LIG3: variants seen among roughly 807,000 people sequenced by gnomAD.
LIG3 encodes ligase II, DNA, ATP-dependent.
In LIG3, 58 loss-of-function variants were observed where a neutral mutation model predicts 110.9. The ratio of observed to expected loss-of-function variants is 0.52; its 90% CI spans 0.42 to 0.65. LIG3 has a LOEUF of 0.65. Among genes scored for constraint, LIG3 ranks in the 30% least tolerant of loss-of-function variants. LIG3 has a pLI of 0.00. For missense variants in LIG3, 1,094 were observed against 1,273.8 expected (o/e 0.86, Z 2.15); for synonymous variants, 422 against 472.8 (o/e 0.89, Z 1.39).
In LIG3 at chr17:34,998,663, G is replaced by C. The variant is rs759767991; in HGVS notation, c.2049G>C (p.Glu683Asp). ...WLKVKKDYLNEGAMADTADLV... is the reference protein window; with the variant it reads ...WLKVKKDYLNDGAMADTADLV... ...AAGTGAAGAAAGACTATTTGAACGAGGGGGCCATGGCCGACACAGCTGACC... is the reference window on the plus strand; with the variant it reads ...AAGTGAAGAAAGACTATTTGAACGACGGGGCCATGGCCGACACAGCTGACC... The change falls in exon 14 of 20, where the codon GAG (glutamate) becomes GAC (aspartate). Residue 683 changes from glutamate to aspartate, a missense_variant. Physicochemically the swap from Glu to Asp is conservative, Grantham distance 45. Transcript: ENST00000378526. 1 of 1,614,178 alleles carries C rather than the reference G, an allele frequency of 6.2e-7. No individual in the cohort carries two copies. The highest frequency in any genetic ancestry group is 1.7e-5 in the Admixed American group (1 of 60,026).
At position 34,996,325 on chromosome 17, in the gene LIG3, T is replaced by C. The variant is rs369013681; in HGVS notation, c.1743+130T>C. On this transcript the variant is annotated intron_variant, in intron 10 of 19. Transcript: ENST00000378526. ...GCCCTTATTCTTCGCTTCTGACCTG[T>C]TTCTGGTTTGGATTTTTGTCTTTTG... The C allele has an allele frequency of 8.5e-6, 10 of 1,179,296 alleles. No individual in the cohort carries two copies. In the African/African-American group the frequency reaches 1.1e-4, roughly 13 times the overall value. The allele number at this position is 1,179,296 out of a possible 1,614,324, so 73.1% of individuals were successfully genotyped here. A position where few individuals can be genotyped will look rare whatever the true frequency, so the allele number is the denominator to read the frequency against.
chr17:35,009,306 T>C lies in LIG3; in HGVS notation c.*4800T>C, dbSNP rs2090919510. On this transcript the variant is annotated 3_prime_UTR_variant, in exon 20 of 20. Coordinates refer to ENST00000378526, the MANE Select transcript of LIG3 (RefSeq NM_013975.4). Reference sequence around the variant, plus strand: ...ATTGAGCACTAGTTCCTGTACAGCTTATTCTTATTAGTTTGGATCCAACTA... The same window carrying C: ...ATTGAGCACTAGTTCCTGTACAGCTCATTCTTATTAGTTTGGATCCAACTA... 6.6e-6 allele frequency: 1 copy of C among 152,406 alleles called. No homozygotes were observed. The highest frequency in any genetic ancestry group is 1.5e-5 in the Non-Finnish European group (1 of 68,034). 9.4% of individuals were successfully genotyped at this position (152,406 alleles called of 1,614,324 possible).
Position 34,996,557 on chromosome 17 carries a change from C to G in LIG3, c.1744-17C>G. 1 of 1,605,728 alleles carries G rather than the reference C, an allele frequency of 6.2e-7. No individual in the cohort carries two copies. Among genetic ancestry groups the G allele is most frequent in the Non-Finnish European group, 8.5e-7 (1 of 1,172,868 alleles). ...CTTTTGTCCTATGTGTACCTACTAC[C>G]TCATTTTCCCTTACAGAAAGCAGCC... On this transcript the variant is annotated splice_polypyrimidine_tract_variant and intron_variant, in intron 10 of 19. Coordinates refer to ENST00000378526, the MANE Select transcript of LIG3 (RefSeq NM_013975.4).
intron 1 of LIG3, 30 bp from the exon 2 acceptor site, chr17:34,982,972 T>TC (rs756513320): frequency 4.7e-6 from 7 of 1,475,286 alleles, no homozygotes; most frequent in Non-Finnish European, 6.3e-6. Context: ...TCTTTTTTTT[T>TC]TTTTTTTGGC....
chr17:34,983,045 C>A lies in LIG3; in HGVS notation c.40C>A (p.Arg14Ser). The A allele has an allele frequency of 1.2e-6, 2 of 1,610,396 alleles. No homozygotes were observed. The highest frequency in any genetic ancestry group is 1.3e-5 in the African/African-American group (1 of 74,828). ...CAAGATCTTCTTTCCACAAACCCTC[C>A]GTGCACTCAGCCGAAAAGAACTGTG... ...AFKIFFPQTLRALSRKELCLF... is the reference protein window; with the variant it reads ...AFKIFFPQTLSALSRKELCLF... The change falls in exon 2 of 20, where the codon CGT becomes AGT. Residue 14 changes from arginine to serine, a missense_variant. By Grantham distance (110) the Arg-to-Ser change is moderately radical. Coordinates refer to ENST00000378526, the MANE Select transcript of LIG3 (RefSeq NM_013975.4).
In LIG3 at chr17:35,004,091, G is replaced by A. The variant is rs1049815893; in HGVS notation, c.2797-182G>A. On this transcript the variant is annotated intron_variant, in intron 19 of 19. Transcript: ENST00000378526. ...CCCCTAGGCAGGGATGGAGGGGCGTGTCAGTCCTGTATAATTTGGAGTGAC... is the reference window on the plus strand; with the variant it reads ...CCCCTAGGCAGGGATGGAGGGGCGTATCAGTCCTGTATAATTTGGAGTGAC... 4 of 596,270 alleles carry A rather than the reference G, an allele frequency of 6.7e-6. No homozygotes were observed. The Admixed American group carries it at 1.2e-4, about 17-fold the overall frequency. The allele number at this position is 596,270 out of a possible 1,614,324, so 36.9% of individuals were successfully genotyped here.
intron 11 of LIG3, 113 bp from the exon 12 acceptor site, chr17:34,997,625 T>C: frequency 6.4e-6 from 5 of 780,752 alleles, no homozygotes; most frequent in Non-Finnish European, 9.1e-6. Flanking sequence ...CTTTGATCCA[T>C]GGCAAACCCT....
chr17:35,001,395 C>G lies in LIG3; in HGVS notation c.2470C>G (p.Gln824Glu). The G allele has an allele frequency of 6.2e-7, 1 of 1,614,122 alleles. No homozygotes were observed. Among genetic ancestry groups the G allele is most frequent in the Non-Finnish European group, 8.5e-7 (1 of 1,179,978 alleles). ...CTGGAAATCTGCCACTAACCTTCCC[C>G]AACTCAAGGTAGCAGCTCTTAGGCT... is the stretch of plus-strand genomic sequence containing the variant. ...KDWKSATNLP[Q>E]LKELYQLSKE... Residue 824 changes from glutamine to glutamate, a missense_variant, in exon 17 of 20, where the codon CAA (glutamine) becomes GAA (glutamate). By Grantham distance (29) the Gln-to-Glu change is conservative. Transcript: ENST00000378526.
In LIG3 at chr17:34,999,466, G is replaced by C; in HGVS notation, c.2256+17G>C. 1.2e-6 allele frequency: 2 copies of C among 1,612,242 alleles called. No individual in the cohort carries two copies. Among genetic ancestry groups the C allele is most frequent in the African/African-American group, 2.7e-5 (2 of 75,052 alleles). ...ATCAGCAAGGTGAGGAAGGGACCTG[G>C]TTGGCCATGGCCTCTGGACTGGCCG... On this transcript the variant is annotated intron_variant, in intron 15 of 19. Coordinates refer to ENST00000378526, the MANE Select transcript of LIG3 (RefSeq NM_013975.4).
Position 34,980,550 on chromosome 17 carries a change from C to A in LIG3, c.-77C>A, listed in dbSNP as rs907031788. 1 of 1,287,206 alleles carries A rather than the reference C, an allele frequency of 7.8e-7. No individual in the cohort carries two copies. Among genetic ancestry groups the A allele is most frequent in the Admixed American group, 2.3e-5 (1 of 43,312 alleles). 79.7% of individuals were successfully genotyped at this position (1,287,206 alleles called of 1,614,324 possible). On this transcript the variant is annotated 5_prime_UTR_variant, in exon 1 of 20. Transcript: ENST00000378526. ...GATTTAAAGAGACAGGCGCTCCAACCGTCGTGGGCTGCCCGCGGCCTGTAA... is the reference window on the plus strand; with the variant it reads ...GATTTAAAGAGACAGGCGCTCCAACAGTCGTGGGCTGCCCGCGGCCTGTAA...
chr17:34,990,913 A>G, intron 4 of LIG3, 50 bp from the exon 5 acceptor site: 10 of 1,582,876 alleles, frequency 6.3e-6, no homozygotes, highest in Non-Finnish European at 6.9e-6. Context: ...GAGTTTATAT[A>G]TTTATTTGTT....
In LIG3 at chr17:34,982,389, A is replaced by G. The variant is rs549259251; in HGVS notation, c.-4-613A>G. The stretch of plus-strand genomic sequence containing the variant: ...GCCAGGCACGGTGGCTCATGTCTGT[A>G]ATCCCAGCACTTTGGGAGGCCGAGG... On this transcript the variant is annotated intron_variant, in intron 1 of 19. Transcript: ENST00000378526. Among the ~76,000 whole-genome samples, 16 of 152,328 alleles carry G rather than the reference A, an allele frequency of 1.1e-4. No homozygotes were observed. The East Asian group carries it at 3.1e-3, about 29-fold the overall frequency.
chr17:34,985,378 C>T (rs776822484), intron 2 of LIG3, among the ~76,000 whole-genome samples: 6 of 152,102 alleles, frequency 3.9e-5, no homozygotes, highest in East Asian at 1.9e-4. Flanking sequence ...AAAAGACTTC[C>T]GGGAAAGAAA....
At position 34,980,591 on chromosome 17, in the gene LIG3, G is replaced by T. The variant is rs2090570787; in HGVS notation, c.-36G>T. On this transcript the variant is annotated 5_prime_UTR_variant, in exon 1 of 20. Transcript: ENST00000378526. Reference sequence around the variant, plus strand: ...CGGCCTGTAATGAGCAAGTTCCGAGGCCTACGGTGAGCGCCGGAGCCGGAG... The same window carrying T: ...CGGCCTGTAATGAGCAAGTTCCGAGTCCTACGGTGAGCGCCGGAGCCGGAG... The T allele has an allele frequency of 7.8e-7, 1 of 1,285,990 alleles. No individual in the cohort carries two copies. Among genetic ancestry groups the T allele is most frequent in the African/African-American group, 1.5e-5 (1 of 65,606 alleles). 79.7% of individuals were successfully genotyped at this position (1,285,990 alleles called of 1,614,324 possible).
chr17:34,995,241 C>T (rs749929838), intron 9 of LIG3, among the ~76,000 whole-genome samples: 11 of 152,156 alleles, frequency 7.2e-5, no homozygotes, highest in Non-Finnish European at 1.2e-4. Context: ...ACAAAGCAGT[C>T]AGGCCATTTG....
At chr17:34,998,194 C>A (rs1027016276) in intron 12 of LIG3, 25 bp from the exon 13 acceptor site, 7 of 1,592,730 alleles carry the variant, frequency 4.4e-6, no homozygotes, top group African/African-American at 1.3e-5. Flanking sequence ...CTCACACCAA[C>A]TTCAGCATCT....
At chr17:34,997,567 C>T (rs1268661590) in intron 11 of LIG3, 171 bp from the exon 12 acceptor site, 14 of 588,106 alleles carry the variant, frequency 2.4e-5, no homozygotes, top group Non-Finnish European at 2.2e-5. Context: ...TCTTCGGTCA[C>T]GATGGAGCCC....
chr17:34,991,506 T>C, intron 5 of LIG3, 165 bp from the exon 6 acceptor site: 1 of 685,486 alleles, frequency 1.5e-6, no homozygotes, highest in Non-Finnish European at 2.4e-6. Flanking sequence ...CATCCCCTTC[T>C]AGGAATTGTG....
intron 13 of LIG3, 91 bp from the exon 14 acceptor site, chr17:34,998,513 G>A: frequency 1.3e-6 from 2 of 1,506,208 alleles, no homozygotes; most frequent in Non-Finnish European, 1.8e-6. Flanking sequence ...GAGGGGCACT[G>A]GGCTAGATCT....
Sources: gnomAD v4.1 joint callset for allele counts (sites outside exome capture counted in the v4.1 genomes callset) on GRCh38, gnomAD v4.1.1 for gene constraint, MANE v1.5 for transcripts, NCBI Gene and HGNC (gene_info 2026-07-23, HGNC 2026-07-21) for gene names.